Variants in RALYL observed in about 807,000 individuals in gnomAD.
RALYL encodes the protein RNA-binding Raly-like protein.
Under a neutral mutation model 35.1 loss-of-function variants are expected in RALYL, and 29 were observed. The observed-to-expected ratio is 0.83, with a 90% CI of 0.61 to 1.13. The LOEUF (loss-of-function observed/expected upper bound fraction) is 1.13. Among genes scored for constraint, RALYL ranks in the 50% most tolerant of loss-of-function variants. The pLI is 0.00. For missense variants in RALYL, 359 were observed against 360.4 expected, an observed-to-expected ratio of 1.00 and a Z score of 0.03; for synonymous variants, 120 against 127.6, an observed-to-expected ratio of 0.94 and a Z score of 0.40.
At chr8:84,681,113 T>A (rs1338498052) in intron 2 of RALYL, among the ~76,000 whole-genome samples, 1 of 152,210 alleles carries the variant, frequency 6.6e-6, no homozygotes, top group African/African-American at 2.4e-5. Flanking sequence ...AGGGAATCCT[T>A]TCCCCATTTC....
At chr8:84,216,199 C>A (rs1394859493) in intron 1 of RALYL, among the ~76,000 whole-genome samples, 1 of 151,980 alleles carries the variant, frequency 6.6e-6, no homozygotes, top group African/African-American at 2.4e-5. Context: ...TTGACATATA[C>A]AGATATTTCT....
At chr8:84,632,076 G>A (rs1824034676) in intron 2 of RALYL, among the ~76,000 whole-genome samples, 1 of 151,694 alleles carries the variant, frequency 6.6e-6, no homozygotes, top group African/African-American at 2.4e-5. Context: ...TGAGGCTGGA[G>A]GCCTATTGAA....
intron 4 of RALYL, among the ~76,000 whole-genome samples, chr8:84,833,007 A>G (rs1831221963): frequency 6.6e-6 from 1 of 152,118 alleles, no homozygotes; most frequent in Non-Finnish European, 1.5e-5. Context: ...CAATGAAGAA[A>G]TTCAATTCCT....
chr8:84,210,277 T>C (rs997658374), intron 1 of RALYL, among the ~76,000 whole-genome samples: 1 of 152,090 alleles, frequency 6.6e-6, no homozygotes, highest in Non-Finnish European at 1.5e-5. Context: ...TTTAAATTAA[T>C]TTTACCGAGC....
At chr8:84,720,278 C>T (rs576153915) in intron 2 of RALYL, among the ~76,000 whole-genome samples, 1 of 152,052 alleles carries the variant, frequency 6.6e-6, no homozygotes, top group Non-Finnish European at 1.5e-5. Flanking sequence ...CTACAGTAAT[C>T]CAAACAGCAT....
chr8:84,544,853 G>C (rs181611551), intron 2 of RALYL, among the ~76,000 whole-genome samples: 1 of 151,854 alleles, frequency 6.6e-6, no homozygotes, highest in South Asian at 2.1e-4. Flanking sequence ...TGTAAAACTT[G>C]AATTTTTCCC....
intron 2 of RALYL, among the ~76,000 whole-genome samples, chr8:84,596,524 A>G (rs1304999896): frequency 6.6e-6 from 1 of 152,158 alleles, no homozygotes; most frequent in East Asian, 1.9e-4. Flanking sequence ...CCTCTTGCCA[A>G]GAAATTCTAA....
At chr8:84,823,753 T>C (rs1249547701) in intron 4 of RALYL, among the ~76,000 whole-genome samples, 1 of 152,068 alleles carries the variant, frequency 6.6e-6, no homozygotes, top group Non-Finnish European at 1.5e-5. Flanking sequence ...TCTCTCCTTG[T>C]CCTACTTCTT....
At chr8:84,429,734 G>A (rs1195529522) in intron 1 of RALYL, among the ~76,000 whole-genome samples, 1 of 151,728 alleles carries the variant, frequency 6.6e-6, no homozygotes, top group Non-Finnish European at 1.5e-5. Flanking sequence ...AATTGGAGGT[G>A]GTGTCTGGGT....
chr8:84,311,667 C>A (rs1842839408), intron 1 of RALYL, among the ~76,000 whole-genome samples: 3 of 151,982 alleles, frequency 2.0e-5, no homozygotes, highest in African/African-American at 7.2e-5. Context: ...ATTTTAGTAC[C>A]TTATGTCATG....
At chr8:84,442,065 G>C (rs545134314) in intron 1 of RALYL, among the ~76,000 whole-genome samples, 1 of 152,164 alleles carries the variant, frequency 6.6e-6, no homozygotes, top group African/African-American at 2.4e-5. Context: ...CTGAACATTT[G>C]GATAACAGGG....
chr8:84,907,077 G>T (rs1420685284), intron 8 of RALYL: 33 of 532,582 alleles, frequency 6.2e-5, no homozygotes, highest in Non-Finnish European at 7.2e-5. Flanking sequence ...ATGCATATTT[G>T]ATATTTTCTG....
At chr8:84,199,167 G>A (rs1404862948) in intron 1 of RALYL, among the ~76,000 whole-genome samples, 1 of 152,066 alleles carries the variant, frequency 6.6e-6, no homozygotes, top group African/African-American at 2.4e-5. Context: ...GTTATTGCCT[G>A]GCTTTTGGAT....
rs534866992 is a variant in RALYL at position 84,590,461 on chromosome 8, G to A, written c.256+60884G>A. Among the ~76,000 whole-genome samples the A allele has an allele frequency of 2.7e-4, 41 of 152,266 alleles. No individual in the cohort carries two copies. In the South Asian group the frequency reaches 8.5e-3, roughly 32 times the overall value. Reference sequence around the variant, plus strand: ...CAGAACTGAAAACTTGTGTATTTGAGTTTCAATGATCATTTGTTCAAACGT... The same window carrying A: ...CAGAACTGAAAACTTGTGTATTTGAATTTCAATGATCATTTGTTCAAACGT... On this transcript the variant is annotated intron_variant, in intron 2 of 8. Coordinates refer to ENST00000521268, the MANE Select transcript of RALYL (RefSeq NM_173848.7).
intron 1 of RALYL, among the ~76,000 whole-genome samples, chr8:84,438,383 C>CTTAT (rs3993393): frequency 1.7e-4 from 25 of 150,376 alleles, no homozygotes; most frequent in African/African-American, 3.2e-4. Flanking sequence ...GATTATTTTA[C>CTTAT]TTATTTATTT....
At position 84,716,217 on chromosome 8, in the gene RALYL, T is replaced by A. The variant is rs553279624; in HGVS notation, c.257-58362T>A. Among the ~76,000 whole-genome samples the A allele has an allele frequency of 2.6e-5, 4 of 152,106 alleles. No individual in the cohort carries two copies. In the South Asian group the frequency reaches 6.2e-4, roughly 24 times the overall value. On this transcript the variant is annotated intron_variant, in intron 2 of 8. Coordinates refer to ENST00000521268, the MANE Select transcript of RALYL (RefSeq NM_173848.7). ...TGACTTTGAAGTCACCTCTACTGGG[T>A]TCATGTAGATAAGTCTATTTCATAC...
At chr8:84,893,366 T>C (rs991008432) in intron 8 of RALYL, among the ~76,000 whole-genome samples, 5 of 152,300 alleles carry the variant, frequency 3.3e-5, no homozygotes, top group Non-Finnish European at 4.4e-5. Context: ...AATACAACAT[T>C]TCAATCTCTT....
intron 7 of RALYL, 39 bp downstream of exon 7, chr8:84,873,436 C>T (rs1009338338): frequency 8.0e-7 from 1 of 1,248,328 alleles, no homozygotes; most frequent in Admixed American, 2.0e-5. Flanking sequence ...AGAATTGAAC[C>T]AGTGAAACGT....
intron 1 of RALYL, among the ~76,000 whole-genome samples, chr8:84,523,376 A>G (rs1315878950): frequency 1.3e-5 from 2 of 152,118 alleles, no homozygotes; most frequent in Non-Finnish European, 2.9e-5. Context: ...CCATGATTCA[A>G]TTACCTCCCA....
Sources: allele counts gnomAD v4.1 joint callset (sites outside exome capture counted in the v4.1 genomes callset), GRCh38; gene constraint gnomAD v4.1.1; transcripts MANE v1.5; gene names NCBI Gene and HGNC (gene_info 2026-07-23, HGNC 2026-07-21).